The following DOT1L variants were observed in gnomAD, a reference collection of about 807,000 sequenced individuals.
DOT1L encodes the protein histone-lysine N-methyltransferase, H3 lysine-79 specific.
DOT1L carries 33 observed loss-of-function variants against 153.3 expected under a neutral mutation model. The ratio of observed to expected loss-of-function variants is 0.22; its 90% CI spans 0.16 to 0.29. The LOEUF is 0.29. Ranked by LOEUF, DOT1L falls within the 10% of genes least tolerant of loss-of-function variation. DOT1L has a pLI of 1.00. For missense variants in DOT1L, 1,847 were observed against 2,119.9 expected (o/e 0.87, Z 2.53); for synonymous variants, 1,135 against 965.1 (o/e 1.18, Z -3.26).
At chr19:2,214,829 T>C (rs1040369802) in intron 19 of DOT1L, 1 of 519,130 alleles carries the variant, frequency 1.9e-6, no homozygotes, top group Non-Finnish European at 3.3e-6. Flanking sequence ...ATTGCTTGGC[T>C]GAATGCGCAG....
rs374088546 is a variant in DOT1L at position 2,191,003 on chromosome 19, C to T, written c.265-9C>T. On this transcript the variant is annotated splice_polypyrimidine_tract_variant and intron_variant, in intron 4 of 27. Transcript: ENST00000398665. The surrounding 1 kb of genome is among the most constrained non-coding windows in gnomAD (Gnocchi z 6.8). ...TATGTGACATGGCCGGGCCACCCTCCGTCCGCAGTGGAAGGGCACCACGCA... is the reference window on the plus strand; with the variant it reads ...TATGTGACATGGCCGGGCCACCCTCTGTCCGCAGTGGAAGGGCACCACGCA... 1.2e-4 allele frequency: 184 copies of T among 1,587,444 alleles called. No individual in the cohort carries two copies. The African/African-American group carries it at 1.6e-3, about 14-fold the overall frequency.
At chr19:2,165,021 G>T (rs1170110279) in intron 1 of DOT1L, among the ~76,000 whole-genome samples, 4 of 152,186 alleles carry the variant, frequency 2.6e-5, no homozygotes, top group Non-Finnish European at 4.4e-5. Flanking sequence ...ATGACAGGCC[G>T]GGTGGAATGT....
In DOT1L at chr19:2,220,863, G is replaced by A. The variant is rs986374513; in HGVS notation, c.2806+641G>A. On this transcript the variant is annotated intron_variant, in intron 23 of 27. Transcript: ENST00000398665. The surrounding 1 kb of genome is among the most constrained non-coding windows in gnomAD (Gnocchi z 4.5). ...GGTTGAGATGCGGTATGATGCGGCAGCTACTTTTTTAGGAGTAAAAAGTAA... is the reference window on the plus strand; with the variant it reads ...GGTTGAGATGCGGTATGATGCGGCAACTACTTTTTTAGGAGTAAAAAGTAA... The A allele has an allele frequency of 1.7e-5, 5 of 287,736 alleles. No homozygotes were observed. The East Asian group carries it at 4.7e-4, about 27-fold the overall frequency. The allele number at this position is 287,736 out of a possible 1,614,324, so 17.8% of individuals were successfully genotyped here.
intron 18 of DOT1L, 135 bp downstream of exon 18, chr19:2,214,121 C>T: frequency 7.2e-7 from 1 of 1,379,852 alleles, no homozygotes; most frequent in Non-Finnish European, 9.7e-7. Flanking sequence ...AATTGCGCCA[C>T]CTGTGAAAGC....
chr19:2,201,753 A>C (rs1235315497), intron 8 of DOT1L, among the ~76,000 whole-genome samples: 2 of 152,186 alleles, frequency 1.3e-5, no homozygotes, highest in Non-Finnish European at 2.9e-5. Flanking sequence ...CGTCCCGTTG[A>C]CATCTGGGCT....
intron 2 of DOT1L, among the ~76,000 whole-genome samples, 172 bp from the exon 3 acceptor site, chr19:2,185,683 C>T (rs1290089278): frequency 1.3e-5 from 2 of 152,126 alleles, no homozygotes; most frequent in Admixed American, 6.5e-5. Context: ...GCAGGAGAAT[C>T]GCTTGAACCC....
chr19:2,197,784 G>A lies in DOT1L; in HGVS notation c.652-2100G>A, dbSNP rs1471119318. On this transcript the variant is annotated intron_variant, in intron 7 of 27. Transcript: ENST00000398665. The surrounding 1 kb of genome is among the most constrained non-coding windows in gnomAD (Gnocchi z 4.1). The stretch of plus-strand genomic sequence containing the variant: ...AAGAACCTGGTGGTGGGGAAAGCAG[G>A]TGTCAGTACCAGCCTCTGCCTCTGG... Among the ~76,000 whole-genome samples the A allele has an allele frequency of 6.6e-6, 1 of 152,200 alleles. No individual in the cohort carries two copies. Among genetic ancestry groups the A allele is most frequent in the East Asian group, 1.9e-4 (1 of 5,200 alleles).
At chr19:2,215,166 G>A (rs1336508941) in intron 19 of DOT1L, among the ~76,000 whole-genome samples, 1 of 152,152 alleles carries the variant, frequency 6.6e-6, no homozygotes, top group Non-Finnish European at 1.5e-5. Context: ...GCCATATTGA[G>A]GCAAAAAGGG....
At chr19:2,202,978 G>A (rs749852895) in intron 9 of DOT1L, among the ~76,000 whole-genome samples, 199 bp downstream of exon 9, 4 of 152,192 alleles carry the variant, frequency 2.6e-5, no homozygotes, top group Non-Finnish European at 5.9e-5. Flanking sequence ...CTGGAGTGTA[G>A]TGGCACAATC....
chr19:2,229,434 C>A (rs527821430), intron 27 of DOT1L: 1 of 985,468 alleles, frequency 1.0e-6, no homozygotes, highest in African/African-American at 1.7e-5. Context: ...GTGGCCAGGG[C>A]TGGTCAGCCT....
chr19:2,213,696 G>A (rs1427212121), intron 17 of DOT1L, 56 bp downstream of exon 17: 2 of 1,605,660 alleles, frequency 1.2e-6, no homozygotes, highest in Non-Finnish European at 1.7e-6. Flanking sequence ...GGCTGGGGTG[G>A]TCCATGTCCG....
At chr19:2,201,385 C>T (rs1040936818) in intron 8 of DOT1L, among the ~76,000 whole-genome samples, 1 of 151,848 alleles carries the variant, frequency 6.6e-6, no homozygotes, top group Non-Finnish European at 1.5e-5. Context: ...ATTCCTCATC[C>T]TCCCCATGCC....
chr19:2,164,374 G>A (rs1189349094), intron 1 of DOT1L, 109 bp downstream of exon 1: 30 of 687,018 alleles, frequency 4.4e-5, no homozygotes, highest in Non-Finnish European at 5.8e-5. Flanking sequence ...CCTGCGGAAC[G>A]GAGACCCTGG....
Position 2,213,657 on chromosome 19 carries a change from G to A in DOT1L, c.1659+17G>A, listed in dbSNP as rs1300049121. The A allele has an allele frequency of 1.9e-6, 3 of 1,612,696 alleles. No homozygotes were observed. Among genetic ancestry groups the A allele is most frequent in the East Asian group, 4.5e-5 (2 of 44,886 alleles). On this transcript the variant is annotated intron_variant, in intron 17 of 27. Coordinates refer to ENST00000398665, the MANE Select transcript of DOT1L (RefSeq NM_032482.3). ...TTGGATGAGGTAGTGGACCCCAGAGGGCAGGTGGCAGGTGGCAGCTGGGGC... is the reference window on the plus strand; with the variant it reads ...TTGGATGAGGTAGTGGACCCCAGAGAGCAGGTGGCAGGTGGCAGCTGGGGC...
intron 27 of DOT1L, chr19:2,227,571 G>T: frequency 2.6e-6 from 2 of 774,814 alleles, no homozygotes. Flanking sequence ...GCCGGAGGGC[G>T]GAGGGCGGGC....
chr19:2,200,888 C>T (rs2023237403), intron 8 of DOT1L, among the ~76,000 whole-genome samples: 1 of 147,370 alleles, frequency 6.8e-6, no homozygotes, highest in Non-Finnish European at 1.5e-5. Context: ...TTCCTCCCCG[C>T]ATTCTTCATC....
intron 9 of DOT1L, among the ~76,000 whole-genome samples, chr19:2,206,521 C>CAAAAAAA (rs5826758): frequency 2.5e-5 from 2 of 80,716 alleles, no homozygotes; most frequent in Non-Finnish European, 2.5e-5. Flanking sequence ...GACTCTGTCT[C>CAAAAAAA]AAAAAAAAAA....
intron 1 of DOT1L, among the ~76,000 whole-genome samples, chr19:2,172,832 C>T (rs2021716130): frequency 1.3e-5 from 2 of 150,420 alleles, no homozygotes; most frequent in Admixed American, 1.3e-4. Context: ...GAAATAACAT[C>T]CTTGTTGTGA....
intron 22 of DOT1L, among the ~76,000 whole-genome samples, chr19:2,219,570 C>T (rs566827337): frequency 3.3e-5 from 5 of 152,316 alleles, no homozygotes; most frequent in African/African-American, 1.2e-4. Flanking sequence ...CTGCTGTGAG[C>T]GCTGGGGTCC....
Sources: allele counts gnomAD v4.1 joint callset (sites outside exome capture counted in the v4.1 genomes callset), GRCh38; gene constraint gnomAD v4.1.1; non-coding constraint Gnocchi (gnomAD v3.1); transcripts MANE v1.5; gene names NCBI Gene and HGNC (gene_info 2026-07-23, HGNC 2026-07-21).